Variants in XKR9 observed in about 807,000 individuals in gnomAD.
The protein encoded by XKR9 is XK related 9.
A neutral mutation model predicts 32.0 loss-of-function variants in XKR9; 32 were observed. The observed-to-expected ratio is 1.00, with a 90% CI of 0.76 to 1.34. XKR9 has a LOEUF of 1.34. XKR9 is among the 40% of genes most tolerant of loss of function. XKR9 has a pLI of 0.00. For synonymous variants in XKR9, 168 were observed against 143.4 expected, an observed-to-expected ratio of 1.17 and a Z score of -1.22; for missense variants, 546 against 429.7, an observed-to-expected ratio of 1.27 and a Z score of -2.39.
chr8:70,954,922 G>A, the XKR9 span, among the ~76,000 whole-genome samples: 2 of 152,102 alleles, frequency 1.3e-5, no homozygotes, highest in African/African-American at 4.8e-5. Context: ...TTGCAAGCTG[G>A]GGAAGACATC....
the XKR9 span, among the ~76,000 whole-genome samples, chr8:70,845,469 A>T: frequency 2.0e-5 from 3 of 152,226 alleles, no homozygotes; most frequent in Non-Finnish European, 4.4e-5. Flanking sequence ...AATGTGGAAA[A>T]AGAATTCAAG....
chr8:70,830,667 T>A, the XKR9 span, among the ~76,000 whole-genome samples: 1 of 152,168 alleles, frequency 6.6e-6, no homozygotes, highest in Non-Finnish European at 1.5e-5. Flanking sequence ...TATAAATTCT[T>A]AATAAACCAA....
chr8:71,009,129 G>A, the XKR9 span, among the ~76,000 whole-genome samples: 2 of 152,150 alleles, frequency 1.3e-5, no homozygotes, highest in African/African-American at 2.4e-5. Context: ...ATGGGATGTG[G>A]GGTCTTGGTG....
At chr8:70,984,969 C>T in the XKR9 span, among the ~76,000 whole-genome samples, 118 of 152,216 alleles carry the variant, frequency 7.8e-4, no homozygotes, top group African/African-American at 2.7e-3. Context: ...AGACTTTTCT[C>T]ACTTCTCAAG....
the XKR9 span, among the ~76,000 whole-genome samples, chr8:70,822,564 A>G: frequency 6.6e-6 from 1 of 150,970 alleles, no homozygotes; most frequent in East Asian, 1.9e-4. Flanking sequence ...ATATAATTAT[A>G]AATAATAATT....
chr8:70,842,725 C>T, the XKR9 span, among the ~76,000 whole-genome samples: 1 of 152,214 alleles, frequency 6.6e-6, no homozygotes, highest in Non-Finnish European at 1.5e-5. Context: ...GCTGTCCCTA[C>T]TTCCTAACTC....
chr8:70,707,176 T>A (rs781199870), intron 4 of XKR9, 23 bp downstream of exon 4: 1 of 1,591,612 alleles, frequency 6.3e-7, no homozygotes, highest in South Asian at 1.1e-5. Flanking sequence ...TAACTCCTTG[T>A]GTTAAATGGA....
chr8:70,971,617 C>T, the XKR9 span, among the ~76,000 whole-genome samples: 2 of 152,064 alleles, frequency 1.3e-5, no homozygotes, highest in Admixed American at 6.6e-5. Flanking sequence ...GTCTTTGATC[C>T]ATTTTGAGTT....
intron 2 of XKR9, among the ~76,000 whole-genome samples, chr8:70,743,620 C>G (rs1411717290): frequency 6.6e-6 from 1 of 152,102 alleles, no homozygotes; most frequent in African/African-American, 2.4e-5. Context: ...TGCATCGAGT[C>G]TTCCCCTTAT....
intron 2 of XKR9, among the ~76,000 whole-genome samples, chr8:70,775,287 T>G (rs1807504095): frequency 6.6e-6 from 1 of 152,138 alleles, no homozygotes; most frequent in Non-Finnish European, 1.5e-5. Flanking sequence ...TTGGCTCTTT[T>G]TTTCCAAGTA....
intron 1 of XKR9, among the ~76,000 whole-genome samples, chr8:70,674,589 C>G (rs1055440755): frequency 6.6e-6 from 1 of 152,178 alleles, no homozygotes; most frequent in African/African-American, 2.4e-5. Flanking sequence ...ATTTTCTTGA[C>G]TTATTTGACA....
chr8:70,690,660 G>A (rs756699112), intron 3 of XKR9, among the ~76,000 whole-genome samples: 1 of 151,988 alleles, frequency 6.6e-6, no homozygotes, highest in Non-Finnish European at 1.5e-5. Context: ...GCTCCCACTT[G>A]TAAATGAGAA....
the XKR9 span, among the ~76,000 whole-genome samples, chr8:71,045,413 T>C: frequency 1.3e-5 from 2 of 152,214 alleles, no homozygotes; most frequent in Non-Finnish European, 2.9e-5. Context: ...TTCATGTGTG[T>C]GGCGCTCCTG....
chr8:70,892,724 T>C, the XKR9 span, among the ~76,000 whole-genome samples: 366 of 152,320 alleles, frequency 2.4e-3, 12 homozygotes, highest in East Asian at 0.058. Flanking sequence ...ATGGATTCTC[T>C]TACATGTGAC....
chr8:70,821,203 T>C, the XKR9 span, among the ~76,000 whole-genome samples: 1 of 152,304 alleles, frequency 6.6e-6, no homozygotes, highest in African/African-American at 2.4e-5. Flanking sequence ...TGAAATCCAA[T>C]AGGGCAGTCC....
chr8:70,957,783 CTTTTT>C, the XKR9 span, among the ~76,000 whole-genome samples: 1 of 84,792 alleles, frequency 1.2e-5, no homozygotes, highest in Non-Finnish European at 2.3e-5. Flanking sequence ...TTCAGTCTAT[CTTTTT>C]TTTTTTTTTT....
chr8:70,726,869 A>C (rs1806487019), intron 4 of XKR9, among the ~76,000 whole-genome samples: 1 of 152,208 alleles, frequency 6.6e-6, no homozygotes, highest in Non-Finnish European at 1.5e-5. Context: ...CCATCATGGC[A>C]ATGCTCCTGC....
At chr8:70,738,577 G>T (rs1806905712), downstream of XKR9, among the ~76,000 whole-genome samples, 2 of 151,172 alleles carry the variant, frequency 1.3e-5, no homozygotes, top group Non-Finnish European at 3.0e-5. Flanking sequence ...GTCAATTTTT[G>T]ATCTTTCCTG....
At chr8:70,946,569 A>C in the XKR9 span, among the ~76,000 whole-genome samples, 1 of 152,190 alleles carries the variant, frequency 6.6e-6, no homozygotes, top group Non-Finnish European at 1.5e-5. Context: ...AGCTTGTCTA[A>C]GACCACACAA....
Sources: allele counts gnomAD v4.1 joint callset (sites outside exome capture counted in the v4.1 genomes callset), GRCh38; gene constraint gnomAD v4.1.1; transcripts MANE v1.5; gene names NCBI Gene and HGNC (gene_info 2026-07-23, HGNC 2026-07-21).